The following INPP5B variants were observed in gnomAD, a reference collection of about 807,000 sequenced individuals.
The protein encoded by INPP5B is inositol polyphosphate-5-phosphatase B, also known as type II inositol 1,4,5-trisphosphate 5-phosphatase.
In INPP5B, 90 loss-of-function variants were observed where a neutral mutation model predicts 118.5. The observed-to-expected ratio is 0.76, with a 90% CI of 0.64 to 0.90. The LOEUF (loss-of-function observed/expected upper bound fraction) is 0.90. Ranked by LOEUF, INPP5B falls within the 40% of genes least tolerant of loss-of-function variation. The pLI, the probability that INPP5B is intolerant of heterozygous loss-of-function variation, is 0.00. For missense variants in INPP5B, 984 were observed against 1,125.6 expected (o/e 0.87, Z 1.80); for synonymous variants, 385 against 418.9 (o/e 0.92, Z 0.99).
intron 5 of INPP5B, chr1:37,941,958 A>AAAAAAAATATATATATATATATAT (rs1427344681): frequency 3.3e-5 from 1 of 30,378 alleles, no homozygotes; most frequent in African/African-American, 1.5e-4. Flanking sequence ...AAAAAAAAAA[A>AAAAAAAATATATATATATATATAT]ATATATATAT....
chr1:37,874,150 A>G lies in INPP5B; in HGVS notation c.1794T>C (p.Cys598=). 6.4e-7 allele frequency: 1 copy of G among 1,566,476 alleles called. No individual in the cohort carries two copies. The highest frequency in any genetic ancestry group is 8.7e-7 in the Non-Finnish European group (1 of 1,144,724). The part of the protein sequence containing the change: ...PSVSLSKREF[C]FQNVKYMQLK... ...ATTGCATGTACTTCACATTCTGAAA[A>G]CAGAACTGGGAAGAAGCCCGGGGCC... The change falls in exon 18 of 24, where the codon TGT becomes TGC. Residue 598 remains cysteine (C), a synonymous_variant. Transcript: ENST00000373024.
chr1:37,870,809 G>A (rs1412400913), intron 19 of INPP5B: 1 of 152,234 alleles, frequency 6.6e-6, no homozygotes, highest in African/African-American at 2.4e-5. Flanking sequence ...TACTATAAGT[G>A]AACTACTGAA....
chr1:37,865,987 G>A, intron 21 of INPP5B, 99 bp from the exon 22 acceptor site: 1 of 1,550,662 alleles, frequency 6.4e-7, no homozygotes, highest in Non-Finnish European at 8.7e-7. Context: ...TGCCCTGTCA[G>A]GCTCTCTGCT....
chr1:37,896,843 C>T (rs1442942383), intron 7 of INPP5B, among the ~76,000 whole-genome samples: 9 of 136,882 alleles, frequency 6.6e-5, no homozygotes, highest in Admixed American at 1.4e-4. Flanking sequence ...TCTGCCTAGC[C>T]GCCCCTACGG....
chr1:37,887,134 T>C (rs1643588358), intron 11 of INPP5B, 130 bp from the exon 12 acceptor site: 1 of 788,704 alleles, frequency 1.3e-6, no homozygotes, highest in Non-Finnish European at 2.1e-6. Flanking sequence ...CAGGTAATCA[T>C]CTGTTCAATT....
At chr1:37,897,483 A>T (rs1049320268) in intron 7 of INPP5B, among the ~76,000 whole-genome samples, 3 of 151,582 alleles carry the variant, frequency 2.0e-5, no homozygotes, top group African/African-American at 7.3e-5. Context: ...TCAGGGTTGA[A>T]TGGATTAAGG....
intron 7 of INPP5B, among the ~76,000 whole-genome samples, chr1:37,903,726 CAA>C (rs56197070): frequency 0.58 from 85,761 of 147,452 alleles, 26,793 homozygotes; most frequent in Non-Finnish European, 0.71. Flanking sequence ...GACTCCGTCT[CAA>C]AAAAAAAAAA....
At chr1:37,879,892 G>C (rs1370597207) in intron 15 of INPP5B, among the ~76,000 whole-genome samples, 193 bp downstream of exon 15, 1 of 152,210 alleles carries the variant, frequency 6.6e-6, no homozygotes, top group African/African-American at 2.4e-5. Flanking sequence ...GGCTAAGGCA[G>C]TCACAAAGTT....
chr1:37,911,694 C>T (rs1644705165), intron 7 of INPP5B, among the ~76,000 whole-genome samples: 1 of 152,172 alleles, frequency 6.6e-6, no homozygotes, highest in Non-Finnish European at 1.5e-5. Flanking sequence ...TCCTGCACCA[C>T]CATGCTGTTA....
intron 19 of INPP5B, chr1:37,870,081 AAAAAC>A (rs1642318838): frequency 1.3e-5 from 2 of 152,176 alleles, no homozygotes; most frequent in African/African-American, 4.8e-5. Context: ...TGATTTAAAA[AAAAAC>A]AAAAGAATAA....
At chr1:37,892,606 G>C (rs1289834960) in intron 7 of INPP5B, among the ~76,000 whole-genome samples, 6 of 152,044 alleles carry the variant, frequency 3.9e-5, no homozygotes, top group Non-Finnish European at 7.4e-5. Context: ...TACTAAACAT[G>C]GATTTCTCAA....
chr1:37,905,393 G>A (rs1387601528), intron 7 of INPP5B, among the ~76,000 whole-genome samples: 2 of 152,184 alleles, frequency 1.3e-5, no homozygotes, highest in African/African-American at 2.4e-5. Context: ...GACAAAGCAA[G>A]ATTCTGTCTC....
intron 20 of INPP5B, 130 bp from the exon 21 acceptor site, chr1:37,866,673 A>G: frequency 1.5e-6 from 1 of 663,180 alleles, no homozygotes; most frequent in Non-Finnish European, 2.7e-6. Context: ...CACCTGACAG[A>G]TGATCTGATT....
chr1:37,938,145 G>T (rs537386617), intron 6 of INPP5B, among the ~76,000 whole-genome samples: 50 of 150,800 alleles, frequency 3.3e-4, no homozygotes, highest in African/African-American at 1.1e-3. Context: ...GGTGGCATGC[G>T]CCTGTACCAG....
rs1338162449 is a variant in INPP5B, at chr1:37,872,930, C to A, written c.2187G>T (p.Leu729=). The change falls in exon 19 of 24, where the codon CTG becomes CTT. Residue 729 remains leucine (L), a splice_region_variant and synonymous_variant. Coordinates refer to ENST00000373024, the MANE Select transcript of INPP5B (RefSeq NM_005540.3). ...LDLPLETISE[L]TLMPVWTGDD... is the part of the protein sequence containing the mutation. ...TGTTTCTTTGTGGCATATTACTCACCAGCTCACTAATGGTTTCAAGTGGTA... is the reference window on the plus strand; with the variant it reads ...TGTTTCTTTGTGGCATATTACTCACAAGCTCACTAATGGTTTCAAGTGGTA... The A allele has an allele frequency of 1.9e-6, 3 of 1,609,650 alleles. No individual in the cohort carries two copies. The highest frequency in any genetic ancestry group is 2.6e-6 in the Non-Finnish European group (3 of 1,176,300).
Position 37,891,381 on chromosome 1 carries a change from A to G in INPP5B, c.606T>C (p.Asp202=), listed in dbSNP as rs1347862637. ...ACCTTGGTTGCAAGCTTTCTGGTTT[A>G]TCTTGACCCCTGGAGCTTTGGTCCA... ...VPMDQSSRGQ[D]KPESLQPRQN... Residue 202 remains aspartate (D), a synonymous_variant, in exon 8 of 24, where the codon GAT becomes GAC. Transcript: ENST00000373024. The G allele has an allele frequency of 6.2e-7, 1 of 1,613,926 alleles. No individual in the cohort carries two copies. Among genetic ancestry groups the G allele is most frequent in the East Asian group, 2.2e-5 (1 of 44,892 alleles).
intron 16 of INPP5B, among the ~76,000 whole-genome samples, chr1:37,877,471 A>G (rs1642914328): frequency 6.6e-6 from 1 of 152,248 alleles, no homozygotes; most frequent in Non-Finnish European, 1.5e-5. Flanking sequence ...ATAAAACCCA[A>G]TATTGACAAG....
At chr1:37,888,691 G>A (rs1643675709) in intron 9 of INPP5B, among the ~76,000 whole-genome samples, 1 of 152,172 alleles carries the variant, frequency 6.6e-6, no homozygotes, top group Admixed American at 6.5e-5. Context: ...CTTTTGGCAA[G>A]AAAGCAACAC....
Position 37,886,977 on chromosome 1 carries a change from T to C in INPP5B, c.1042A>G (p.Met348Val). The C allele has an allele frequency of 1.9e-6, 3 of 1,614,166 alleles. No individual in the cohort carries two copies. The highest frequency in any genetic ancestry group is 2.5e-6 in the Non-Finnish European group (3 of 1,180,016). Reference protein sequence around the residue: ...KVKLIRLVGIMLLLYVKQEHA... With the variant: ...KVKLIRLVGIVLLLYVKQEHA... ...TCCTGTTTGACATATAACAGCAGCATAATCCCAACCAGTCGGATAAGCTTC... is the reference window on the plus strand; with the variant it reads ...TCCTGTTTGACATATAACAGCAGCACAATCCCAACCAGTCGGATAAGCTTC... The change falls in exon 12 of 24, where the codon ATG (methionine) becomes GTG (valine). Residue 348 changes from methionine to valine, a missense_variant. This residue lies in a region of INPP5B where 634 missense variants were observed against 791.0 expected (regional missense o/e 0.80). Coordinates refer to ENST00000373024, the MANE Select transcript of INPP5B (RefSeq NM_005540.3).
Sources: gnomAD v4.1 joint callset for allele counts (sites outside exome capture counted in the v4.1 genomes callset) on GRCh38, gnomAD v4.1.1 for gene constraint, gnomAD v4.1.1 regional missense constraint, MANE v1.5 for transcripts, NCBI Gene and HGNC (gene_info 2026-07-23, HGNC 2026-07-21) for gene names.